The following MYRFL variants were observed in gnomAD, a reference collection of about 807,000 sequenced individuals.
The protein encoded by MYRFL is myelin regulatory factor-like protein.
Under a neutral mutation model 109.4 loss-of-function variants are expected in MYRFL, and 88 were observed. The ratio of observed to expected loss-of-function variants is 0.80; its 90% CI spans 0.68 to 0.96. The LOEUF (loss-of-function observed/expected upper bound fraction) is 0.96. Among genes scored for constraint, MYRFL ranks in the 40% least tolerant of loss-of-function variants. The pLI, the probability that MYRFL is intolerant of heterozygous loss-of-function variation, is 0.00. For missense variants in MYRFL, 957 were observed against 954.9 expected (o/e 1.00, Z -0.03); for synonymous variants, 324 against 320.9 (o/e 1.01, Z -0.10).
At chr12:69,908,909 A>T (rs1411794217) in intron 11 of MYRFL, among the ~76,000 whole-genome samples, 1 of 150,440 alleles carries the variant, frequency 6.6e-6, no homozygotes, top group East Asian at 2.0e-4. Flanking sequence ...CCCTCCTCCC[A>T]CCCTCCACCC....
intron 10 of MYRFL, among the ~76,000 whole-genome samples, chr12:69,900,144 T>C (rs375429337): frequency 3.9e-5 from 6 of 152,344 alleles, no homozygotes; most frequent in African/African-American, 1.4e-4. Flanking sequence ...GAAATGGTCA[T>C]GTCCCCAAGA....
chr12:69,896,707 A>G (rs1954005613), intron 9 of MYRFL, among the ~76,000 whole-genome samples: 1 of 152,218 alleles, frequency 6.6e-6, no homozygotes, highest in Admixed American at 6.5e-5. Flanking sequence ...GTCAGTCTCC[A>G]TTAAGGCCCA....
intron 22 of MYRFL, among the ~76,000 whole-genome samples, chr12:69,956,542 C>T (rs1381433986): frequency 6.6e-6 from 1 of 151,906 alleles, no homozygotes; most frequent in Non-Finnish European, 1.5e-5. Context: ...TTTCCATCCC[C>T]CTCCACATTT....
At position 69,870,338 on chromosome 12, in the gene MYRFL, G is replaced by A. The variant is rs536639449; in HGVS notation, c.138-8690G>A. Among the ~76,000 whole-genome samples, 293 of 149,206 alleles carry A rather than the reference G, an allele frequency of 2.0e-3. 1 individual carries two copies. Among genetic ancestry groups the A allele is most frequent in the Non-Finnish European group, 3.2e-3 (216 of 67,626 alleles). ...GGTGATCCACCCGCCTCGGCCTCCC[G>A]AATCTCTTGATTTTTACAACTCTTT... is the stretch of plus-strand genomic sequence containing the variant. On this transcript the variant is annotated intron_variant, in intron 2 of 24. Coordinates refer to ENST00000552032, the MANE Select transcript of MYRFL (RefSeq NM_182530.3).
chr12:69,943,662 C>G (rs1197324931), intron 19 of MYRFL, among the ~76,000 whole-genome samples: 3 of 148,192 alleles, frequency 2.0e-5, no homozygotes, highest in Non-Finnish European at 4.5e-5. Context: ...GCAATGGCAA[C>G]AAAAGCCAAA....
Position 69,886,726 on chromosome 12 carries a change from T to C in MYRFL, c.557-94T>C, listed in dbSNP as rs1007003799. The C allele has an allele frequency of 3.5e-6, 5 of 1,429,334 alleles. No homozygotes were observed. The African/African-American group carries it at 7.1e-5, about 20-fold the overall frequency. 88.5% of individuals were successfully genotyped at this position (1,429,334 alleles called of 1,614,324 possible). A position where few individuals can be genotyped will look rare whatever the true frequency, so the allele number is the denominator to read the frequency against. On this transcript the variant is annotated intron_variant, in intron 5 of 24. Coordinates refer to ENST00000552032, the MANE Select transcript of MYRFL (RefSeq NM_182530.3). ...TGACACTTCCCTAGTCACTCTGCCTTACACATGGCCCACTCATCAGCTTCA... is the reference window on the plus strand; with the variant it reads ...TGACACTTCCCTAGTCACTCTGCCTCACACATGGCCCACTCATCAGCTTCA...
At chr12:69,830,048 A>G (rs1882530790) in intron 1 of MYRFL, among the ~76,000 whole-genome samples, 1 of 152,054 alleles carries the variant, frequency 6.6e-6, no homozygotes, top group Non-Finnish European at 1.5e-5. Context: ...AATAAAACCT[A>G]AGCTTGCACA....
intron 22 of MYRFL, among the ~76,000 whole-genome samples, 189 bp from the exon 23 acceptor site, chr12:69,957,633 C>T (rs10506573): frequency 0.13 from 19,298 of 152,084 alleles, 1,839 homozygotes; most frequent in East Asian, 0.48. Context: ...ATTGGGTTTC[C>T]TTTTGTAGTA....
intron 19 of MYRFL, among the ~76,000 whole-genome samples, chr12:69,939,734 C>G (rs951815849): frequency 1.3e-5 from 2 of 151,814 alleles, no homozygotes; most frequent in Non-Finnish European, 2.9e-5. Flanking sequence ...TTCAGACGAT[C>G]AAATTACTCT....
At chr12:69,928,576 C>A (rs1955170831) in intron 15 of MYRFL, among the ~76,000 whole-genome samples, 1 of 152,172 alleles carries the variant, frequency 6.6e-6, no homozygotes, top group South Asian at 2.1e-4. Flanking sequence ...GTTCAAAATT[C>A]TTCTACTAAA....
Position 69,957,835 on chromosome 12 carries a change from T to C in MYRFL, c.2464T>C (p.Leu822=). ...FSLEINTTEP[L]IVFQCKFTLG... is the part of the protein sequence containing the mutation. ...TGTCTCTTGAAGCACAACAGAGCCA[T>C]TGATAGTCTTCCAGTGCAAATTCAC... The change falls in exon 23 of 25, where the codon TTG becomes CTG. Residue 822 remains leucine (L), a synonymous_variant. Coordinates refer to ENST00000552032, the MANE Select transcript of MYRFL (RefSeq NM_182530.3). 3.9e-6 allele frequency: 6 copies of C among 1,533,042 alleles called. No homozygotes were observed. The highest frequency in any genetic ancestry group is 5.2e-6 in the Non-Finnish European group (6 of 1,144,502). 95.0% of individuals were successfully genotyped at this position (1,533,042 alleles called of 1,614,324 possible). A position where few individuals can be genotyped will look rare whatever the true frequency, so the allele number is the denominator to read the frequency against.
chr12:69,954,425 G>A (rs1380361331), intron 21 of MYRFL, among the ~76,000 whole-genome samples: 1 of 152,124 alleles, frequency 6.6e-6, no homozygotes, highest in Non-Finnish European at 1.5e-5. Flanking sequence ...AAATAACACT[G>A]TTCTCAATTT....
At chr12:69,882,710 G>A (rs1430004955) in intron 5 of MYRFL, among the ~76,000 whole-genome samples, 1 of 152,182 alleles carries the variant, frequency 6.6e-6, no homozygotes, top group East Asian at 1.9e-4. Context: ...GCTTCTACCA[G>A]CTGGTTCCTG....
chr12:69,914,802 A>G (rs1032740596), intron 13 of MYRFL, among the ~76,000 whole-genome samples: 4 of 152,200 alleles, frequency 2.6e-5, no homozygotes, highest in Admixed American at 6.5e-5. Flanking sequence ...GGCAGCACTC[A>G]GTTTATAAAT....
At chr12:69,860,468 A>G (rs1884579906) in intron 2 of MYRFL, among the ~76,000 whole-genome samples, 1 of 152,100 alleles carries the variant, frequency 6.6e-6, no homozygotes, top group African/African-American at 2.4e-5. Context: ...ATATATATCA[A>G]ATTAGTTTTT....
At position 69,897,659 on chromosome 12, in the gene MYRFL, C is replaced by T. The variant is rs767084796; in HGVS notation, c.1182+413C>T. Among the ~76,000 whole-genome samples the T allele has an allele frequency of 4.6e-5, 7 of 152,242 alleles. No homozygotes were observed. The South Asian group carries it at 6.2e-4, about 14-fold the overall frequency. ...ACATCATTTTACATTGTTATACTTT[C>T]ACATTACATTATTTATACCCAGAGC... On this transcript the variant is annotated intron_variant, in intron 10 of 24. Transcript: ENST00000552032.
Position 69,891,032 on chromosome 12 carries a change from GC to G in MYRFL, c.770del (p.Ala257ValfsTer12). The G allele has an allele frequency of 6.5e-7, 1 of 1,535,140 alleles. No individual in the cohort carries two copies. The highest frequency in any genetic ancestry group is 8.7e-7 in the Non-Finnish European group (1 of 1,146,464). On this transcript the variant is annotated frameshift_variant, in exon 7 of 25. Coordinates refer to ENST00000552032, the MANE Select transcript of MYRFL (RefSeq NM_182530.3). LOFTEE classifies it high-confidence loss of function. ...ATTTAATTTTTCACCAGCAGATGAA[GC>G]TTTTGTTTGCCAAAAGAAGAATCAT... ...KGFNFSPADE[A>X]FVCQKKNHFQ...
At chr12:69,929,308 G>A (rs1167858382) in intron 15 of MYRFL, among the ~76,000 whole-genome samples, 2 of 152,160 alleles carry the variant, frequency 1.3e-5, no homozygotes, top group Non-Finnish European at 1.5e-5. Flanking sequence ...GAGGCAGAAA[G>A]GATGAGTCAG....
rs1055132997 is a variant in MYRFL at position 69,897,279 on chromosome 12, A to G, written c.1182+33A>G. 6 of 1,456,746 alleles carry G rather than the reference A, an allele frequency of 4.1e-6. No individual in the cohort carries two copies. The African/African-American group carries it at 5.6e-5, about 14-fold the overall frequency. 90.2% of individuals were successfully genotyped at this position (1,456,746 alleles called of 1,614,324 possible). ...CAGTTCTCTGACTTTTCTGGATCTC[A>G]CATGCTTTCCTCCTATGTAGGCAGA... On this transcript the variant is annotated intron_variant, in intron 10 of 24. Coordinates refer to ENST00000552032, the MANE Select transcript of MYRFL (RefSeq NM_182530.3).
Sources: gnomAD v4.1 joint callset for allele counts (sites outside exome capture counted in the v4.1 genomes callset) on GRCh38, gnomAD v4.1.1 for gene constraint, MANE v1.5 for transcripts, NCBI Gene and HGNC (gene_info 2026-07-23, HGNC 2026-07-21) for gene names.